SNX5: variants seen among roughly 807,000 people sequenced by gnomAD.
SNX5 encodes sorting nexin-5.
Under a neutral mutation model 53.9 loss-of-function variants are expected in SNX5, and 31 were observed. The observed-to-expected ratio is 0.58, with a 90% confidence interval of 0.43 to 0.78. The LOEUF (loss-of-function observed/expected upper bound fraction) is 0.78. Ranked by LOEUF, SNX5 falls within the 30% of genes least tolerant of loss-of-function variation. The pLI, the probability that SNX5 is intolerant of heterozygous loss-of-function variation, is 0.00. For synonymous variants in SNX5, 168 were observed against 171.1 expected, an observed-to-expected ratio of 0.98 and a Z score of 0.14; for missense variants, 471 against 478.8, an observed-to-expected ratio of 0.98 and a Z score of 0.15.
chr20:17,958,580 T>C (rs1407533504), intron 1 of SNX5, among the ~76,000 whole-genome samples: 6 of 152,228 alleles, frequency 3.9e-5, no homozygotes, highest in Admixed American at 1.3e-4. Flanking sequence ...TCAAAACAGA[T>C]ACTTTTGAGT....
chr20:17,943,051 G>T, intron 12 of SNX5, 59 bp downstream of exon 12: 1 of 1,232,122 alleles, frequency 8.1e-7, no homozygotes. Context: ...TTAGTAAACT[G>T]GGAAATAACT....
chr20:17,957,352 C>A (rs2035378757), intron 1 of SNX5, among the ~76,000 whole-genome samples: 1 of 151,004 alleles, frequency 6.6e-6, no homozygotes, highest in Non-Finnish European at 1.5e-5. Context: ...GGAGAATGGC[C>A]TGAACACTGG....
intron 1 of SNX5, among the ~76,000 whole-genome samples, chr20:17,958,002 C>CAAAAAA (rs59621613): frequency 4.6e-5 from 5 of 107,836 alleles, no homozygotes; most frequent in Non-Finnish European, 5.6e-5. Context: ...TTCTGCCCGT[C>CAAAAAA]AAAAAAAAAA....
At chr20:17,966,421 G>T (rs1008678303) in intron 1 of SNX5, among the ~76,000 whole-genome samples, 7 of 151,782 alleles carry the variant, frequency 4.6e-5, no homozygotes, top group African/African-American at 1.7e-4. Flanking sequence ...GTAAATAGAG[G>T]ACCAGTTAGG....
intron 1 of SNX5, among the ~76,000 whole-genome samples, chr20:17,959,478 A>AT (rs11087235): frequency 1 from 152,307 of 152,312 alleles, 76,151 homozygotes; most frequent in Non-Finnish European, 1. Flanking sequence ...ACTAGCAGCC[A>AT]TTTTGCCCAG....
intron 11 of SNX5, chr20:17,945,510 T>C (rs2039475642): frequency 6.6e-6 from 1 of 152,134 alleles, no homozygotes; most frequent in Admixed American, 6.5e-5. Context: ...TTTAAAGTTT[T>C]ATGTTTTTTC....
intron 1 of SNX5, among the ~76,000 whole-genome samples, chr20:17,957,494 T>G (rs1311458280): frequency 1.3e-5 from 2 of 152,064 alleles, no homozygotes; most frequent in African/African-American, 4.8e-5. Context: ...TTGAGACATT[T>G]CTAAGTTTAT....
At chr20:17,956,678 A>C (rs1323484936) in intron 2 of SNX5, among the ~76,000 whole-genome samples, 128 of 26,008 alleles carry the variant, frequency 4.9e-3, no homozygotes, top group African/African-American at 0.023. Context: ...GTCTCCAAAA[A>C]AAAAAAAAAA....
rs767551520 is a variant in SNX5 at position 17,968,481 on chromosome 20, GGCC to G, written c.-59_-57del. ...GGCTGTGCGAGGAAAGAAGAAGCTGGGCCGCCGCCGCCGCCGCCTGGGCGCCTC... is the reference window on the plus strand; with the variant it reads ...GGCTGTGCGAGGAAAGAAGAAGCTGGGCCGCCGCCGCCGCCTGGGCGCCTC... On this transcript the variant is annotated 5_prime_UTR_variant, in exon 1 of 13. Transcript: ENST00000377759. The G allele has an allele frequency of 2.8e-4, 354 of 1,281,452 alleles. No homozygotes were observed. The highest frequency in any genetic ancestry group is 2.7e-3 in the East Asian group (85 of 31,836). The allele number at this position is 1,281,452 out of a possible 1,614,324, so 79.4% of individuals were successfully genotyped here.
At chr20:17,943,724 A>G (rs2039448572) in intron 11 of SNX5, 1 of 153,078 alleles carries the variant, frequency 6.5e-6, no homozygotes, top group Non-Finnish European at 1.5e-5. Flanking sequence ...AACAATGCAG[A>G]GAAAAGTGAA....
chr20:17,946,557 AATAAAG>A (rs989303749), intron 11 of SNX5, among the ~76,000 whole-genome samples: 1 of 152,216 alleles, frequency 6.6e-6, no homozygotes, highest in African/African-American at 2.4e-5. Flanking sequence ...CCATGACTCT[AATAAAG>A]ATAAAGGAAA....
chr20:17,963,357 C>A (rs542995721), intron 1 of SNX5, among the ~76,000 whole-genome samples: 27 of 152,250 alleles, frequency 1.8e-4, no homozygotes, highest in African/African-American at 6.5e-4. Context: ...TCCTAACACT[C>A]TGGGAGGCTG....
chr20:17,967,317 A>G (rs1002771654), intron 1 of SNX5, among the ~76,000 whole-genome samples: 1 of 146,374 alleles, frequency 6.8e-6, no homozygotes, highest in East Asian at 2.3e-4. Flanking sequence ...TCAAGTTTCC[A>G]CTTTGTTTTA....
At chr20:17,948,316 C>G (rs1415888653) in intron 10 of SNX5, among the ~76,000 whole-genome samples, 1 of 152,148 alleles carries the variant, frequency 6.6e-6, no homozygotes, top group East Asian at 1.9e-4. Context: ...TAAAAACTCC[C>G]AAGATTCAGA....
intron 1 of SNX5, chr20:17,961,631 C>G: frequency 1.1e-5 from 11 of 984,354 alleles, no homozygotes; most frequent in Non-Finnish European, 1.2e-5. Context: ...AGACACATAT[C>G]TATTTAAATG....
chr20:17,957,160 G>A (rs2035375769), intron 1 of SNX5, 123 bp from the exon 2 acceptor site: 3 of 664,596 alleles, frequency 4.5e-6, no homozygotes. Flanking sequence ...GTTGAGCTGG[G>A]CGCGGCGGCT....
chr20:17,965,015 GAT>G (rs1476281668), intron 1 of SNX5, among the ~76,000 whole-genome samples: 1 of 152,150 alleles, frequency 6.6e-6, no homozygotes, highest in Non-Finnish European at 1.5e-5. Context: ...TTCTCACAAA[GAT>G]ATCCAACAAT....
At chr20:17,967,769 A>G (rs2035575633) in intron 1 of SNX5, 1 of 296,012 alleles carries the variant, frequency 3.4e-6, no homozygotes, top group Non-Finnish European at 6.2e-6. Flanking sequence ...TGACCTAGGG[A>G]CAGTTTACAT....
At chr20:17,968,061 GA>G in intron 1 of SNX5, 2 of 398,618 alleles carry the variant, frequency 5.0e-6, no homozygotes, top group African/African-American at 2.1e-5. Context: ...CGAAGCCGAG[GA>G]AAGTTTTAAA....
Sources: gnomAD v4.1 joint callset for allele counts (sites outside exome capture counted in the v4.1 genomes callset) on GRCh38, gnomAD v4.1.1 for gene constraint, MANE v1.5 for transcripts, NCBI Gene and HGNC (gene_info 2026-07-23, HGNC 2026-07-21) for gene names.